Variants in CCSER1 observed in about 807,000 individuals in gnomAD.
CCSER1 encodes coiled-coil serine rich protein 1, also known as serine-rich coiled-coil domain-containing protein 1.
In CCSER1, 41 loss-of-function variants were observed where a neutral mutation model predicts 82.0. That is an observed-to-expected ratio of 0.50 (90% CI 0.39 to 0.65). The LOEUF is 0.65. CCSER1 is among the 30% of genes least tolerant of loss of function. CCSER1 has a pLI of 0.00. For synonymous variants in CCSER1, 414 were observed against 383.9 expected (o/e 1.08, Z -0.92); for missense variants, 1,119 against 1,064.2 (o/e 1.05, Z -0.72).
intron 5 of CCSER1, among the ~76,000 whole-genome samples, chr4:90,549,281 C>G (rs1777166645): frequency 6.6e-6 from 1 of 152,088 alleles, no homozygotes; most frequent in Non-Finnish European, 1.5e-5. Flanking sequence ...TGCTAAGTGT[C>G]TATAATACAG....
intron 4 of CCSER1, among the ~76,000 whole-genome samples, chr4:90,411,758 G>C (rs1754873055): frequency 6.6e-6 from 1 of 152,146 alleles, no homozygotes; most frequent in Admixed American, 6.6e-5. Flanking sequence ...CATAGTGTTG[G>C]CAGTTCTGGC....
intron 10 of CCSER1, among the ~76,000 whole-genome samples, chr4:91,106,309 C>T (rs941704607): frequency 2.6e-5 from 4 of 152,008 alleles, no homozygotes; most frequent in Non-Finnish European, 4.4e-5. Flanking sequence ...ATAACTTTCC[C>T]GAAGTCATAG....
chr4:90,485,832 G>T (rs1766945295), intron 5 of CCSER1, among the ~76,000 whole-genome samples: 1 of 151,974 alleles, frequency 6.6e-6, no homozygotes, highest in South Asian at 2.1e-4. Context: ...GTTTGCTAAG[G>T]ATAATTATCT....
At chr4:90,597,972 G>T (rs1783546554) in intron 5 of CCSER1, among the ~76,000 whole-genome samples, 2 of 151,838 alleles carry the variant, frequency 1.3e-5, no homozygotes, top group East Asian at 1.9e-4. Flanking sequence ...GGCAGGATCT[G>T]ATTTTTTTTT....
intron 6 of CCSER1, among the ~76,000 whole-genome samples, chr4:90,704,235 C>T (rs975854889): frequency 2.0e-5 from 3 of 152,122 alleles, no homozygotes; most frequent in African/African-American, 7.2e-5. Context: ...ACTTATGAAG[C>T]TTAGTTTGGC....
intron 10 of CCSER1, among the ~76,000 whole-genome samples, chr4:91,098,230 C>A (rs1482876666): frequency 6.6e-6 from 1 of 152,056 alleles, no homozygotes; most frequent in Non-Finnish European, 1.5e-5. Context: ...TGCTAATAGA[C>A]TTGGATAGAC....
chr4:91,128,714 G>A (rs1467496151), intron 10 of CCSER1, among the ~76,000 whole-genome samples: 2 of 151,984 alleles, frequency 1.3e-5, no homozygotes, highest in African/African-American at 2.4e-5. Context: ...GAAGTGAAAG[G>A]GCCTGTGACT....
chr4:91,383,564 T>C (rs1182301163), intron 10 of CCSER1, among the ~76,000 whole-genome samples: 1 of 152,136 alleles, frequency 6.6e-6, no homozygotes, highest in Non-Finnish European at 1.5e-5. Flanking sequence ...TTAGGATAAA[T>C]AGTTCAATCA....
Position 91,208,080 on chromosome 4 carries a change from G to T in CCSER1, c.2217+122086G>T, listed in dbSNP as rs568892548. Among the ~76,000 whole-genome samples the T allele has an allele frequency of 1.3e-4, 19 of 151,932 alleles. No individual in the cohort carries two copies. In the East Asian group the frequency reaches 3.5e-3, roughly 28 times the overall value. ...TGTTCACTATTTAATGGGGTTGTGTGTTTTTTGCTTATACATTTGTCTAAG... is the reference window on the plus strand; with the variant it reads ...TGTTCACTATTTAATGGGGTTGTGTTTTTTTTGCTTATACATTTGTCTAAG... On this transcript the variant is annotated intron_variant, in intron 10 of 10. Transcript: ENST00000509176.
intron 9 of CCSER1, among the ~76,000 whole-genome samples, chr4:90,957,737 G>A (rs892313269): frequency 1.1e-4 from 16 of 145,084 alleles, no homozygotes; most frequent in Admixed American, 7.2e-4. Flanking sequence ...TACACACACA[G>A]CTAACAAAAG....
At chr4:90,521,815 A>G in intron 5 of CCSER1, among the ~76,000 whole-genome samples, 1 of 152,136 alleles carries the variant, frequency 6.6e-6, no homozygotes, top group Non-Finnish European at 1.5e-5. Flanking sequence ...TTTCTGAAAC[A>G]GGGGACATTA....
intron 10 of CCSER1, among the ~76,000 whole-genome samples, chr4:91,269,221 T>A (rs570541836): frequency 6.6e-6 from 1 of 152,350 alleles, no homozygotes; most frequent in South Asian, 2.1e-4. Flanking sequence ...AATACTTTAA[T>A]GTGTTTAATT....
chr4:90,587,305 A>G (rs1782134206), intron 5 of CCSER1, among the ~76,000 whole-genome samples: 2 of 152,186 alleles, frequency 1.3e-5, no homozygotes, highest in Non-Finnish European at 2.9e-5. Flanking sequence ...TATTATAGCA[A>G]CCATAGGAAA....
intron 3 of CCSER1, among the ~76,000 whole-genome samples, chr4:90,314,869 C>G (rs1404981526): frequency 2.3e-5 from 2 of 88,558 alleles, no homozygotes; most frequent in Middle Eastern, 0.014. Context: ...TTTTTTGAGA[C>G]AGAGTCTCGC....
chr4:90,151,102 C>T (rs1264957316), intron 1 of CCSER1, among the ~76,000 whole-genome samples: 1 of 151,976 alleles, frequency 6.6e-6, no homozygotes, highest in Non-Finnish European at 1.5e-5. Flanking sequence ...GCTGTCAAAG[C>T]AATTAGAACT....
intron 3 of CCSER1, among the ~76,000 whole-genome samples, chr4:90,353,850 G>A (rs1210290793): frequency 6.6e-6 from 1 of 152,148 alleles, no homozygotes; most frequent in Non-Finnish European, 1.5e-5. Context: ...CCTCATGCTG[G>A]AAGCCATTAT....
intron 6 of CCSER1, among the ~76,000 whole-genome samples, chr4:90,669,172 G>A (rs528864300): frequency 1.5e-4 from 23 of 151,994 alleles, no homozygotes; most frequent in Non-Finnish European, 2.7e-4. Context: ...GAAAATATTG[G>A]AAGGAAATGA....
intron 10 of CCSER1, among the ~76,000 whole-genome samples, chr4:91,409,706 T>C (rs1752915068): frequency 6.6e-6 from 1 of 152,186 alleles, no homozygotes; most frequent in Non-Finnish European, 1.5e-5. Flanking sequence ...TTTTTTTCTT[T>C]TGCAGAGTCT....
At chr4:91,309,651 T>C (rs1260668879) in intron 10 of CCSER1, among the ~76,000 whole-genome samples, 1 of 152,044 alleles carries the variant, frequency 6.6e-6, no homozygotes, top group Admixed American at 6.6e-5. Flanking sequence ...GCAGCTCTTG[T>C]ACTCTACAAG....
Sources: allele counts gnomAD v4.1 joint callset (sites outside exome capture counted in the v4.1 genomes callset), GRCh38; gene constraint gnomAD v4.1.1; transcripts MANE v1.5; gene names NCBI Gene and HGNC (gene_info 2026-07-23, HGNC 2026-07-21).